TMCO5A: variants seen among roughly 807,000 people sequenced by gnomAD.
TMCO5A encodes the protein transmembrane and coiled-coil domains 5A, also known as transmembrane and coiled-coil domain-containing protein 5A.
A neutral mutation model predicts 42.3 loss-of-function variants in TMCO5A; 34 were observed. That is an observed-to-expected ratio of 0.80 (90% confidence interval 0.61 to 1.07). TMCO5A has a LOEUF of 1.07. TMCO5A is among the 50% of genes least tolerant of loss of function. The pLI is 0.00. For synonymous variants in TMCO5A, 131 were observed against 115.6 expected (o/e 1.13, Z -0.86); for missense variants, 357 against 327.9 (o/e 1.09, Z -0.69).
At chr15:37,967,956 T>C (rs1415494598), downstream of TMCO5A, among the ~76,000 whole-genome samples, 1 of 152,166 alleles carries the variant, frequency 6.6e-6, no homozygotes, top group Non-Finnish European at 1.5e-5. Context: ...ATTGTACAAA[T>C]TGAGACACTT....
intron 11 of TMCO5A, among the ~76,000 whole-genome samples, chr15:37,960,813 G>C (rs1392676333): frequency 1.3e-5 from 2 of 152,024 alleles, no homozygotes; most frequent in African/African-American, 2.4e-5. Context: ...ATGTTTGTTG[G>C]TCATTTGTAT....
At chr15:37,957,322 G>C (rs1206981593) in intron 11 of TMCO5A, among the ~76,000 whole-genome samples, 1 of 152,210 alleles carries the variant, frequency 6.6e-6, no homozygotes, top group Non-Finnish European at 1.5e-5. Context: ...CACATGACAT[G>C]ATTGTATATT....
rs1022578449 is a variant in TMCO5A at position 37,960,234 on chromosome 15, C to T, written c.669-6391C>T. Among the ~76,000 whole-genome samples the T allele has an allele frequency of 4.6e-5, 7 of 151,910 alleles. No individual in the cohort carries two copies. The South Asian group carries it at 1.4e-3, about 31-fold the overall frequency. On this transcript the variant is annotated intron_variant, in intron 11 of 11. Coordinates refer to the TMCO5A transcript ENST00000559502. ...AAAGTCCATTGTATCATTCTTATGC[C>T]TTTGCGTCCTCATAGCTTAGCTCCC... is the stretch of plus-strand genomic sequence containing the variant.
intron 11 of TMCO5A, among the ~76,000 whole-genome samples, chr15:37,949,794 G>A (rs1890095865): frequency 6.6e-6 from 1 of 151,976 alleles, no homozygotes; most frequent in African/African-American, 2.4e-5. Context: ...TGACTTCAAA[G>A]AACAAACATT....
chr15:38,003,910 T>C, the TMCO5A span, among the ~76,000 whole-genome samples: 1 of 152,078 alleles, frequency 6.6e-6, no homozygotes, highest in South Asian at 2.1e-4. Context: ...GAGCTGGTGG[T>C]ACCCAAGCTT....
the TMCO5A span, among the ~76,000 whole-genome samples, chr15:37,997,555 G>C: frequency 2.0e-5 from 3 of 152,022 alleles, no homozygotes; most frequent in African/African-American, 7.2e-5. Flanking sequence ...TCTTTTTTAT[G>C]GCTGAATAGT....
the TMCO5A span, among the ~76,000 whole-genome samples, chr15:37,992,633 T>C: frequency 6.6e-6 from 1 of 152,186 alleles, no homozygotes; most frequent in African/African-American, 2.4e-5. Context: ...TTTAAAGATG[T>C]GGTATACATA....
At chr15:38,017,150 G>T in the TMCO5A span, among the ~76,000 whole-genome samples, 1 of 152,076 alleles carries the variant, frequency 6.6e-6, no homozygotes, top group Non-Finnish European at 1.5e-5. Context: ...CAGCACCTGT[G>T]AAAGCAATGA....
chr15:38,038,499 G>A, the TMCO5A span, among the ~76,000 whole-genome samples: 3 of 150,810 alleles, frequency 2.0e-5, no homozygotes, highest in East Asian at 2.0e-4. Context: ...TCTGCCTCCC[G>A]GGTTCATACC....
At chr15:37,980,670 GTCTT>G in the TMCO5A span, among the ~76,000 whole-genome samples, 7 of 140,680 alleles carry the variant, frequency 5.0e-5, no homozygotes, top group African/African-American at 1.0e-4. Flanking sequence ...AAAATCTAGT[GTCTT>G]TCTTTCTACA....
In TMCO5A at chr15:37,951,169, T is replaced by A; in HGVS notation, c.802T>A (p.Trp268Arg). ...CAAGGTACTGGGCAGGAGCACCTTG[T>A]GGAAGCTCAGATGCTTCTTCTTTCC... ...LPKVLGRSTL[W>R]KLRCFFFPSL... Residue 268 changes from tryptophan (W) to arginine (R), a missense_variant, in exon 12 of 12, where the codon TGG (tryptophan) becomes AGG (arginine). Trp to Arg is a moderately radical substitution (Grantham distance 101). Transcript: ENST00000319669. 1 of 1,613,884 alleles carries A rather than the reference T, an allele frequency of 6.2e-7. No homozygotes were observed.
the TMCO5A span, among the ~76,000 whole-genome samples, chr15:37,982,830 G>A: frequency 1.4e-5 from 2 of 147,620 alleles, no homozygotes; most frequent in Non-Finnish European, 3.0e-5. Flanking sequence ...ATATGTGTGT[G>A]TATATATATA....
At chr15:37,948,697 T>G (rs767435128) in intron 11 of TMCO5A, among the ~76,000 whole-genome samples, 7 of 152,084 alleles carry the variant, frequency 4.6e-5, no homozygotes, top group Admixed American at 1.3e-4. Flanking sequence ...TAGCTAATCA[T>G]GTCAAACTAT....
chr15:37,951,180 A>C lies in TMCO5A; in HGVS notation c.813A>C (p.Arg271Ser). The change falls in exon 12 of 12, where the codon AGA (arginine) becomes AGC (serine). Residue 271 changes from arginine to serine, a missense_variant. By Grantham distance (110) the Arg-to-Ser change is moderately radical. Transcript: ENST00000319669. Reference sequence around the variant, plus strand: ...GCAGGAGCACCTTGTGGAAGCTCAGATGCTTCTTCTTTCCATCTCTCACAC... The same window carrying C: ...GCAGGAGCACCTTGTGGAAGCTCAGCTGCTTCTTCTTTCCATCTCTCACAC... ...VLGRSTLWKL[R>S]CFFFPSLTLE... is the part of the protein sequence containing the mutation. 6.2e-7 allele frequency: 1 copy of C among 1,613,880 alleles called. No homozygotes were observed.
the TMCO5A span, among the ~76,000 whole-genome samples, chr15:38,006,427 A>G: frequency 6.6e-6 from 1 of 152,150 alleles, no homozygotes; most frequent in Admixed American, 6.5e-5. Flanking sequence ...AGAATTTGTA[A>G]TACGATTTTG....
At chr15:37,944,001 C>T (rs1422166079) in intron 10 of TMCO5A, 1 of 152,010 alleles carries the variant, frequency 6.6e-6, no homozygotes, top group Non-Finnish European at 1.5e-5. Context: ...CTTGTGGCAG[C>T]AAGGATAAAA....
At chr15:37,957,823 C>A (rs754880234) in intron 11 of TMCO5A, among the ~76,000 whole-genome samples, 1 of 152,156 alleles carries the variant, frequency 6.6e-6, no homozygotes, top group East Asian at 1.9e-4. Context: ...AGGCATTGTA[C>A]TACCTGACTT....
the TMCO5A span, among the ~76,000 whole-genome samples, chr15:38,019,957 A>G: frequency 1.3e-5 from 2 of 151,334 alleles, no homozygotes; most frequent in East Asian, 3.9e-4. Context: ...CATGTACAGC[A>G]TCAGAGGTTT....
At chr15:37,977,791 T>C in the TMCO5A span, among the ~76,000 whole-genome samples, 4 of 152,154 alleles carry the variant, frequency 2.6e-5, no homozygotes, top group Non-Finnish European at 4.4e-5. Context: ...CTTTCACTTG[T>C]TTCTTACAGC....
Sources: gnomAD v4.1 joint callset for allele counts (sites outside exome capture counted in the v4.1 genomes callset) on GRCh38, gnomAD v4.1.1 for gene constraint, MANE v1.5 for transcripts, NCBI Gene and HGNC (gene_info 2026-07-23, HGNC 2026-07-21) for gene names.